Variants in TBX19 observed in about 807,000 individuals in gnomAD.
TBX19 encodes the protein T-box transcription factor 19.
Under a neutral mutation model 40.9 loss-of-function variants are expected in TBX19, and 33 were observed. The observed-to-expected ratio is 0.81, with a 90% CI of 0.61 to 1.08. The LOEUF is 1.08. TBX19 is among the 50% of genes least tolerant of loss of function. TBX19 has a pLI of 0.00. For missense variants in TBX19, 494 were observed against 574.0 expected (o/e 0.86, Z 1.42); for synonymous variants, 220 against 225.0 (o/e 0.98, Z 0.20).
At chr1:168,306,410 A>G (rs1649404319) in intron 6 of TBX19, among the ~76,000 whole-genome samples, 2 of 151,984 alleles carry the variant, frequency 1.3e-5, no homozygotes, top group South Asian at 4.2e-4. Context: ...GGCGGATCAC[A>G]AGATCAGGAG....
At chr1:168,299,188 G>T (rs1649215744) in intron 4 of TBX19, among the ~76,000 whole-genome samples, 1 of 151,908 alleles carries the variant, frequency 6.6e-6, no homozygotes, top group Admixed American at 6.6e-5. Flanking sequence ...CCAAATTGCT[G>T]AGATGACAGG....
Position 168,297,748 on chromosome 1 carries a change from A to G in TBX19, c.628A>G (p.Asn210Asp). 6.2e-7 allele frequency: 1 copy of G among 1,614,204 alleles called. No individual in the cohort carries two copies. Among genetic ancestry groups the G allele is most frequent in the Non-Finnish European group, 8.5e-7 (1 of 1,180,026 alleles). The part of the protein sequence containing the change: ...EEITALKIKY[N>D]PFAKAFLDAK... ...GATAACGGCTCTCAAAATCAAGTAC[A>G]ATCCTTTTGCCAAAGCCTTCTTGGA... The change falls in exon 4 of 8, where the codon AAT becomes GAT. Residue 210 changes from asparagine (N) to aspartate (D), a missense_variant. Transcript: ENST00000367821.
At chr1:168,290,558 C>T (rs1445507282) in intron 1 of TBX19, among the ~76,000 whole-genome samples, 1 of 152,258 alleles carries the variant, frequency 6.6e-6, no homozygotes, top group African/African-American at 2.4e-5. Context: ...TAACCCTGTT[C>T]TTGTTTTTTT....
Position 168,281,175 on chromosome 1 carries a change from G to C in TBX19, c.85G>C (p.Ala29Pro). The change falls in exon 1 of 8, where the codon GCA (alanine) becomes CCA (proline). Residue 29 changes from alanine to proline, a missense_variant. This residue lies in a region of TBX19 where 201 missense variants were observed against 235.2 expected (regional missense o/e 0.85). Transcript: ENST00000367821. ...CAATGTGGTGGAGAGTGAGCTTCAG[G>C]CAGGGAGGGAAAAAGGCGACCCTAC... ...LLNVVESELQ[A>P]GREKGDPTEK... 1 of 1,614,186 alleles carries C rather than the reference G, an allele frequency of 6.2e-7. No homozygotes were observed. The highest frequency in any genetic ancestry group is 8.5e-7 in the Non-Finnish European group (1 of 1,180,028).
chr1:168,284,111 TTTTC>T (rs1267778276), intron 1 of TBX19, among the ~76,000 whole-genome samples: 3 of 152,148 alleles, frequency 2.0e-5, no homozygotes, highest in Non-Finnish European at 2.9e-5. Flanking sequence ...CTCTTCCTCC[TTTTC>T]TTTCTTTCTC....
At chr1:168,290,471 C>T (rs1377200598) in intron 1 of TBX19, among the ~76,000 whole-genome samples, 1 of 152,214 alleles carries the variant, frequency 6.6e-6, no homozygotes, top group Non-Finnish European at 1.5e-5. Context: ...ATGTTAAAGG[C>T]CCTGCCTGAG....
chr1:168,290,142 G>GA (rs202052944), intron 1 of TBX19, among the ~76,000 whole-genome samples: 17 of 150,576 alleles, frequency 1.1e-4, no homozygotes, highest in Middle Eastern at 3.4e-3. Flanking sequence ...GACTCCATCT[G>GA]AAAAAAAAAG....
At chr1:168,312,101 T>C (rs952431144) in intron 7 of TBX19, among the ~76,000 whole-genome samples, 47 of 152,356 alleles carry the variant, frequency 3.1e-4, no homozygotes, top group African/African-American at 1.1e-3. Flanking sequence ...GAAGAATTAA[T>C]GTTAACAACC....
At chr1:168,304,821 G>A (rs886867358) in intron 5 of TBX19, among the ~76,000 whole-genome samples, 187 bp from the exon 6 acceptor site, 6 of 152,222 alleles carry the variant, frequency 3.9e-5, no homozygotes, top group Non-Finnish European at 5.9e-5. Context: ...GAGAAGCCAA[G>A]TTAGCTGCTC....
rs1257017988 is a variant in TBX19 at position 168,312,966 on chromosome 1, G to A, written c.1311G>A (p.Ala437=). 7 of 1,614,208 alleles carry A rather than the reference G, an allele frequency of 4.3e-6. No homozygotes were observed. The highest frequency in any genetic ancestry group is 1.1e-5 in the South Asian group (1 of 91,080). Residue 437 remains alanine (A), a synonymous_variant, in exon 8 of 8, where the codon GCG becomes GCA. Transcript: ENST00000367821. ...TCGCGGGCTGGGGTGGCCCAGGAGC[G>A]GGTGGGCACCATTCTCCTTCCTCAC... ...HPFAGWGGPG[A]GGHHSPSSLD...
chr1:168,287,390 G>A (rs1348776996), intron 1 of TBX19, among the ~76,000 whole-genome samples: 4 of 152,194 alleles, frequency 2.6e-5, no homozygotes, highest in Non-Finnish European at 5.9e-5. Context: ...TATGGCTAAA[G>A]TAGCTTCTCA....
At position 168,299,856 on chromosome 1, in the gene TBX19, T is replaced by C. The variant is rs143122030; in HGVS notation, c.666-566T>C. ...ACAAAAGGCCTAAAGGATAAACTGA[T>C]ATGTGAGATGACACAATCTAGATTC... On this transcript the variant is annotated intron_variant, in intron 4 of 7. Coordinates refer to ENST00000367821, the MANE Select transcript of TBX19 (RefSeq NM_005149.3). Among the ~76,000 whole-genome samples, 26 of 152,286 alleles carry C rather than the reference T, an allele frequency of 1.7e-4. 1 individual carries two copies. The highest frequency in any genetic ancestry group is 1.3e-3 in the Admixed American group (20 of 15,286).
At chr1:168,304,965 G>A in intron 5 of TBX19, 43 bp from the exon 6 acceptor site, 1 of 1,599,282 alleles carries the variant, frequency 6.3e-7, no homozygotes, top group African/African-American at 1.3e-5. Context: ...TGGTGTGGGA[G>A]TTCACAGACT....
Position 168,313,231 on chromosome 1 carries a change from G to C in TBX19, c.*229G>C. On this transcript the variant is annotated 3_prime_UTR_variant, in exon 8 of 8. Coordinates refer to ENST00000367821, the MANE Select transcript of TBX19 (RefSeq NM_005149.3). ...CTTCTGCACTCCCATTTTCTCTGCA[G>C]CTTATTCTTGCCATGCTTAGGTGAC... 1 of 600,890 alleles carries C rather than the reference G, an allele frequency of 1.7e-6. No individual in the cohort carries two copies. Among genetic ancestry groups the C allele is most frequent in the Non-Finnish European group, 2.9e-6 (1 of 339,772 alleles). The allele number at this position is 600,890 out of a possible 1,614,324, so 37.2% of individuals were successfully genotyped here.
In TBX19 at chr1:168,312,692, TTC is replaced by T; in HGVS notation, c.1053-12_1053-11del. 1 of 1,608,676 alleles carries T rather than the reference TTC, an allele frequency of 6.2e-7. No individual in the cohort carries two copies. The highest frequency in any genetic ancestry group is 8.5e-7 in the Non-Finnish European group (1 of 1,179,938). On this transcript the variant is annotated splice_polypyrimidine_tract_variant and intron_variant, in intron 7 of 7. Coordinates refer to ENST00000367821, the MANE Select transcript of TBX19 (RefSeq NM_005149.3). ...GCCAGTGAACATTCCCTTCCCCTCT[TTC>T]TCTGTCTCTGCAGCCCCTACCCGTG...
intron 1 of TBX19, among the ~76,000 whole-genome samples, chr1:168,284,789 A>G (rs1648767346): frequency 1.3e-5 from 2 of 151,470 alleles, no homozygotes; most frequent in African/African-American, 4.9e-5. Flanking sequence ...AAAAAAAAAA[A>G]AAAATCAAAT....
At chr1:168,282,102 A>T (rs1358263360) in intron 1 of TBX19, among the ~76,000 whole-genome samples, 1 of 152,210 alleles carries the variant, frequency 6.6e-6, no homozygotes, top group African/African-American at 2.4e-5. Context: ...ACTGGCTCCA[A>T]CATTCAGCTG....
intron 1 of TBX19, among the ~76,000 whole-genome samples, chr1:168,282,781 A>G (rs1204087655): frequency 6.6e-6 from 1 of 152,150 alleles, no homozygotes; most frequent in East Asian, 1.9e-4. Context: ...TTTTCTTTGT[A>G]TTATTGGATA....
At chr1:168,305,553 A>T (rs6427123) in intron 6 of TBX19, among the ~76,000 whole-genome samples, 106,141 of 151,980 alleles carry the variant, frequency 0.7, 37,349 homozygotes, top group Non-Finnish European at 0.73. Flanking sequence ...TCACCTTCGC[A>T]TGGCTCTTTT....
Sources: allele counts gnomAD v4.1 joint callset (sites outside exome capture counted in the v4.1 genomes callset), GRCh38; gene constraint gnomAD v4.1.1; regional missense constraint gnomAD v4.1.1; transcripts MANE v1.5; gene names NCBI Gene and HGNC (gene_info 2026-07-23, HGNC 2026-07-21).